Variants in BBS9 observed in about 807,000 individuals in gnomAD.
The protein encoded by BBS9 is protein PTHB1.
In BBS9, 89 loss-of-function variants were observed where a neutral mutation model predicts 117.7. The observed-to-expected ratio is 0.76, with a 90% CI of 0.64 to 0.90. The LOEUF (loss-of-function observed/expected upper bound fraction) is 0.90, where lower values mean the gene tolerates loss of function less well. BBS9 is among the 40% of genes least tolerant of loss of function. The pLI is 0.00. For synonymous variants in BBS9, 379 were observed against 370.9 expected (o/e 1.02, Z -0.25); for missense variants, 982 against 1,042.2 (o/e 0.94, Z 0.80).
chr7:33,431,685 C>G (rs1357016962), intron 19 of BBS9, among the ~76,000 whole-genome samples: 1 of 152,172 alleles, frequency 6.6e-6, no homozygotes, highest in African/African-American at 2.4e-5. Context: ...GCCACCCGTA[C>G]TGTGAGAAAT....
At chr7:33,463,839 C>A (rs2128938519) in intron 19 of BBS9, among the ~76,000 whole-genome samples, 1 of 152,130 alleles carries the variant, frequency 6.6e-6, no homozygotes, top group East Asian at 1.9e-4. Flanking sequence ...TATCAACCCA[C>A]CCCTTTCTGA....
chr7:33,552,441 T>C (rs1854588415), intron 21 of BBS9, among the ~76,000 whole-genome samples: 1 of 152,150 alleles, frequency 6.6e-6, no homozygotes, highest in Non-Finnish European at 1.5e-5. Flanking sequence ...CCACCAGCCC[T>C]TGGTGCTCTT....
intron 21 of BBS9, among the ~76,000 whole-genome samples, chr7:33,562,086 A>G (rs1391539079): frequency 1.3e-5 from 2 of 152,216 alleles, no homozygotes; most frequent in Non-Finnish European, 2.9e-5. Flanking sequence ...GTAGGAATAT[A>G]AGTAGTAGTA....
chr7:33,508,532 C>A (rs1047128146), intron 20 of BBS9, among the ~76,000 whole-genome samples: 51 of 152,334 alleles, frequency 3.3e-4, no homozygotes, highest in East Asian at 9.6e-4. Context: ...GAATTCAGAG[C>A]TCATGGGGCT....
chr7:33,410,743 G>A (rs982581679), intron 19 of BBS9, among the ~76,000 whole-genome samples: 8 of 152,002 alleles, frequency 5.3e-5, no homozygotes, highest in Non-Finnish European at 1.0e-4. Flanking sequence ...AGTTTGTCTG[G>A]CTGTTATATT....
At position 33,310,448 on chromosome 7, in the gene BBS9, G is replaced by A. The variant is rs1808968280; in HGVS notation, c.1017-25993G>A. Among the ~76,000 whole-genome samples, 8 of 152,106 alleles carry A rather than the reference G, an allele frequency of 5.3e-5. 1 individual carries two copies. The South Asian group carries it at 1.7e-3, about 32-fold the overall frequency. On this transcript the variant is annotated intron_variant, in intron 9 of 22. Transcript: ENST00000242067. ...TGTGTATAACAATTCACTCATTCTG[G>A]GCAAGAGCCAAAACACATCCAGATG...
chr7:33,510,718 G>C (rs1027095433), intron 20 of BBS9, among the ~76,000 whole-genome samples: 1 of 152,168 alleles, frequency 6.6e-6, no homozygotes, highest in Non-Finnish European at 1.5e-5. Context: ...CTGTATTTCA[G>C]CTACCCAATA....
At chr7:33,634,884 A>G (rs766315183) in intron 21 of BBS9, among the ~76,000 whole-genome samples, 2 of 152,214 alleles carry the variant, frequency 1.3e-5, no homozygotes, top group African/African-American at 4.8e-5. Flanking sequence ...CCACAGGCTT[A>G]GTCCGGAGTG....
intron 19 of BBS9, among the ~76,000 whole-genome samples, chr7:33,445,073 G>A (rs1000578545): frequency 6.6e-6 from 1 of 152,082 alleles, no homozygotes; most frequent in African/African-American, 2.4e-5. Context: ...AGGAGAGGAA[G>A]AAGAAGAGGA....
intron 19 of BBS9, among the ~76,000 whole-genome samples, chr7:33,472,381 A>G (rs1841163533): frequency 6.6e-6 from 1 of 152,166 alleles, no homozygotes. Context: ...CATAAGGAGG[A>G]TCATTTTCCA....
At chr7:33,275,976 A>T (rs1213763048) in intron 9 of BBS9, among the ~76,000 whole-genome samples, 1 of 152,136 alleles carries the variant, frequency 6.6e-6, no homozygotes, top group Non-Finnish European at 1.5e-5. Context: ...CTGTGAGTGA[A>T]CCTTCCTATT....
chr7:33,627,380 G>A (rs1053359235), intron 21 of BBS9, among the ~76,000 whole-genome samples: 1 of 152,260 alleles, frequency 6.6e-6, no homozygotes, highest in Non-Finnish European at 1.5e-5. Context: ...CAGGGGCAGA[G>A]CCCTTATGGA....
intron 5 of BBS9, among the ~76,000 whole-genome samples, chr7:33,190,153 T>G (rs1783862733): frequency 7.0e-6 from 1 of 143,310 alleles, no homozygotes; most frequent in African/African-American, 2.6e-5. Flanking sequence ...TGAGTCTCGC[T>G]CTGTCGCCCA....
chr7:33,565,195 T>G (rs1856662576), intron 21 of BBS9, among the ~76,000 whole-genome samples: 1 of 152,192 alleles, frequency 6.6e-6, no homozygotes, highest in Admixed American at 6.5e-5. Context: ...CATTGTCTTC[T>G]GTCCTTCCTA....
intron 2 of BBS9, among the ~76,000 whole-genome samples, chr7:33,147,305 A>G (rs982821055): frequency 1.3e-5 from 2 of 152,142 alleles, no homozygotes; most frequent in East Asian, 1.9e-4. Flanking sequence ...AAAACTTATT[A>G]TAACTATTCT....
At chr7:33,461,527 ACT>A (rs1460521793) in intron 19 of BBS9, among the ~76,000 whole-genome samples, 2 of 151,770 alleles carry the variant, frequency 1.3e-5, no homozygotes, top group Non-Finnish European at 2.9e-5. Flanking sequence ...AGTTTGTAAG[ACT>A]CTCAGAAAAA....
intron 5 of BBS9, chr7:33,177,806 C>A (rs945488239): frequency 5.5e-6 from 3 of 545,160 alleles, no homozygotes; most frequent in Non-Finnish European, 9.9e-6. Context: ...CAGGGTCAGG[C>A]CTGGTTAGTA....
chr7:33,598,319 A>T (rs1455727479), intron 21 of BBS9, among the ~76,000 whole-genome samples: 1 of 152,166 alleles, frequency 6.6e-6, no homozygotes, highest in Non-Finnish European at 1.5e-5. Flanking sequence ...AGTATCATGC[A>T]ATATACCTGA....
chr7:33,360,201 G>A (rs1367215159), intron 16 of BBS9, among the ~76,000 whole-genome samples: 3 of 152,012 alleles, frequency 2.0e-5, no homozygotes, highest in Admixed American at 2.0e-4. Flanking sequence ...GATGAACACT[G>A]TTGTAACAAT....
Sources: gnomAD v4.1 joint callset for allele counts (sites outside exome capture counted in the v4.1 genomes callset) on GRCh38, gnomAD v4.1.1 for gene constraint, MANE v1.5 for transcripts, NCBI Gene and HGNC (gene_info 2026-07-23, HGNC 2026-07-21) for gene names.